The following SAP130 variants were observed in gnomAD, a reference collection of about 807,000 sequenced individuals.
SAP130 encodes the protein histone deacetylase complex subunit SAP130.
SAP130 carries 16 observed loss-of-function variants against 103.2 expected under a neutral mutation model. The observed-to-expected ratio is 0.16, with a 90% confidence interval of 0.10 to 0.24. The LOEUF is 0.24. Among genes scored for constraint, SAP130 ranks in the 10% least tolerant of loss-of-function variants. SAP130 has a pLI of 1.00. For synonymous variants in SAP130, 477 were observed against 497.0 expected, an observed-to-expected ratio of 0.96 and a Z score of 0.53; for missense variants, 990 against 1,359.7, an observed-to-expected ratio of 0.73 and a Z score of 4.28.
At chr2:127,993,728 G>T (rs1444055642) in intron 11 of SAP130, among the ~76,000 whole-genome samples, 1 of 152,034 alleles carries the variant, frequency 6.6e-6, no homozygotes, top group African/African-American at 2.4e-5. Context: ...ACAATGGAAA[G>T]AAAAAATGGG....
chr2:127,996,635 TAC>T lies in SAP130; in HGVS notation c.1214-146_1214-145del. 1.4e-6 allele frequency: 1 copy of T among 729,590 alleles called. No individual in the cohort carries two copies. Among genetic ancestry groups the T allele is most frequent in the Non-Finnish European group, 2.0e-6 (1 of 489,084 alleles). The allele number at this position is 729,590 out of a possible 1,614,324, so 45.2% of individuals were successfully genotyped here. ...ATCAAAATAAAAAATGAAAAATAAG[TAC>T]AAAGTTCAACAGAATTATTTCAATC... On this transcript the variant is annotated intron_variant, in intron 10 of 20. Transcript: ENST00000643581. The surrounding 1 kb of genome is among the most constrained non-coding windows in gnomAD (Gnocchi z 4.3).
Position 127,949,938 on chromosome 2 carries a change from G to A in SAP130, c.2728C>T (p.Arg910Cys). The change falls in exon 18 of 21, where the codon CGT (arginine) becomes TGT (cysteine). Residue 910 changes from arginine (R) to cysteine (C), a missense_variant. This residue lies in a region of SAP130 where 61 missense variants were observed against 73.8 expected (regional missense o/e 0.83). Coordinates refer to ENST00000643581, the MANE Select transcript of SAP130 (RefSeq NM_001330301.2). ...VRPRPPITLL[R>C]HYRNPWKAAY... is the part of the protein sequence containing the mutation. ...GCTTTCCAGGGGTTCCGATAGTGAC[G>A]AAGCAAAGTAATGGGGGGTCTTGGA... The A allele has an allele frequency of 1.2e-6, 2 of 1,614,098 alleles. No homozygotes were observed. Among genetic ancestry groups the A allele is most frequent in the Non-Finnish European group, 1.7e-6 (2 of 1,180,010 alleles).
At chr2:127,954,262 C>T (rs1482903153) in intron 16 of SAP130, among the ~76,000 whole-genome samples, 1 of 152,172 alleles carries the variant, frequency 6.6e-6, no homozygotes, top group Non-Finnish European at 1.5e-5. Context: ...ACAGCACAAT[C>T]ACACCTCTAT....
At chr2:128,024,665 C>T (rs1196044440) in intron 2 of SAP130, among the ~76,000 whole-genome samples, 2 of 149,978 alleles carry the variant, frequency 1.3e-5, no homozygotes, top group Admixed American at 6.7e-5. Context: ...GTCCGGAGTC[C>T]GAGATCAGCC....
At chr2:128,001,357 G>A (rs1158356039) in intron 7 of SAP130, among the ~76,000 whole-genome samples, 1 of 152,190 alleles carries the variant, frequency 6.6e-6, no homozygotes, top group Non-Finnish European at 1.5e-5. Context: ...GCGACAGAGT[G>A]AGACCCTGTC....
Position 128,026,239 on chromosome 2 carries a change from C to A in SAP130, c.54G>T (p.Gln18His). The part of the protein sequence containing the change: ...RLGAPSTGLS[Q>H]APSQIANSGS... ...CACTGTTTGCAATCTGAGAAGGGGC[C>A]TGGCTCAGCCCGGTAGAAGGGGCTC... Residue 18 changes from glutamine (Q) to histidine (H), a missense_variant, in exon 2 of 21, where the codon CAG (glutamine) becomes CAT (histidine). By Grantham distance (24) the Gln-to-His change is conservative. Transcript: ENST00000643581. 1.9e-6 allele frequency: 3 copies of A among 1,614,178 alleles called. No homozygotes were observed. Among genetic ancestry groups the A allele is most frequent in the Non-Finnish European group, 2.5e-6 (3 of 1,180,024 alleles).
intron 12 of SAP130, among the ~76,000 whole-genome samples, chr2:127,991,914 T>C (rs6751399): frequency 0.94 from 142,990 of 152,322 alleles, 67,519 homozygotes; most frequent in East Asian, 1. Context: ...GGCTGCCATA[T>C]AGCACCGTGT....
In SAP130 at chr2:128,000,453, T is replaced by G. The variant is rs750270542; in HGVS notation, c.871A>C (p.Arg291=). 11 of 1,614,126 alleles carry G rather than the reference T, an allele frequency of 6.8e-6. No individual in the cohort carries two copies. ...AAHATDSALS[R]PTLSIQHPPS... is the part of the protein sequence containing the mutation. Reference sequence around the variant, plus strand: ...GGATGCTGGATAGACAAGGTTGGCCTACTGAAAAGATAACAAAGACACAAT... The same window carrying G: ...GGATGCTGGATAGACAAGGTTGGCCGACTGAAAAGATAACAAAGACACAAT... Residue 291 remains arginine, a splice_region_variant and synonymous_variant, in exon 8 of 21, where the codon AGG becomes CGG. Transcript: ENST00000643581.
intron 6 of SAP130, 106 bp from the exon 7 acceptor site, chr2:128,010,499 G>T: frequency 4.6e-6 from 5 of 1,095,064 alleles, no homozygotes; most frequent in Non-Finnish European, 6.4e-6. Flanking sequence ...GCATGTTTCT[G>T]CCCAAGTAAA....
rs1682596603 is a variant in SAP130 at position 127,989,060 on chromosome 2, T to C, written c.1780+504A>G. 6.6e-6 allele frequency among the ~76,000 whole-genome samples: 1 copy of C among 152,066 alleles called. No homozygotes were observed. Among genetic ancestry groups the C allele is most frequent in the Non-Finnish European group, 1.5e-5 (1 of 68,012 alleles). ...CTTTTAAAAAAGATAACACTTCTCA[T>C]TATGTTCAAATGAATACTAGGGCTG... On this transcript the variant is annotated intron_variant, in intron 13 of 20. Coordinates refer to ENST00000643581, the MANE Select transcript of SAP130 (RefSeq NM_001330301.2). This position sits in a 1 kb window ranked among gnomAD's most constrained non-coding sequence, Gnocchi z 4.6.
chr2:127,945,535 T>C lies in SAP130; in HGVS notation c.2822A>G (p.Glu941Gly). ...VKEEKKAMLQ[E>G]IANQKGVSCR... is the part of the protein sequence containing the mutation. ...GGATACTCCTTTCTGATTAGCTATTTCCTGCAGCATAGCTTTCTTCTCCTC... is the reference window on the plus strand; with the variant it reads ...GGATACTCCTTTCTGATTAGCTATTCCCTGCAGCATAGCTTTCTTCTCCTC... The change falls in exon 19 of 21, where the codon GAA (glutamate) becomes GGA (glycine). Residue 941 changes from glutamate to glycine, a missense_variant. Coordinates refer to ENST00000643581, the MANE Select transcript of SAP130 (RefSeq NM_001330301.2). 1.2e-6 allele frequency: 2 copies of C among 1,610,786 alleles called. No individual in the cohort carries two copies. The highest frequency in any genetic ancestry group is 1.7e-6 in the Non-Finnish European group (2 of 1,176,996).
Position 127,988,636 on chromosome 2 carries a change from G to C in SAP130, c.1780+928C>G, listed in dbSNP as rs1299246851. Among the ~76,000 whole-genome samples, 3 of 151,354 alleles carry C rather than the reference G, an allele frequency of 2.0e-5. No homozygotes were observed. The East Asian group carries it at 5.9e-4, about 30-fold the overall frequency. ...AGGCCAAAGTGAGTAGACTACTTGA[G>C]CCCAGGAGTTTGAGACCAGCCTGGG... On this transcript the variant is annotated intron_variant, in intron 13 of 20. Coordinates refer to ENST00000643581, the MANE Select transcript of SAP130 (RefSeq NM_001330301.2).
rs572000803 is a variant in SAP130 at position 127,969,991 on chromosome 2, A to G, written c.2063+7994T>C. ...ACGCCTGTAATACCAGCACTCTGGG[A>G]GGCCGAGGTGGGCGGATCACGAGGT... On this transcript the variant is annotated intron_variant, in intron 15 of 20. Transcript: ENST00000643581. Among the ~76,000 whole-genome samples, 440 of 152,326 alleles carry G rather than the reference A, an allele frequency of 2.9e-3. 2 individuals carry two copies. Among genetic ancestry groups the G allele is most frequent in the African/African-American group, 0.01 (417 of 41,588 alleles).
At chr2:128,027,445 C>T (rs1194715699) in intron 1 of SAP130, 2 of 1,105,572 alleles carry the variant, frequency 1.8e-6, no homozygotes, top group East Asian at 5.2e-5. Flanking sequence ...GCGAGCCTGG[C>T]CGGGGCAGCC....
chr2:128,000,524 C>CA, intron 7 of SAP130, 70 bp from the exon 8 acceptor site: 1 of 1,565,988 alleles, frequency 6.4e-7, no homozygotes. Context: ...GTTAGTCATG[C>CA]AAGTTATACT....
chr2:128,010,876 A>AG (rs1315122518), intron 6 of SAP130, among the ~76,000 whole-genome samples: 1 of 151,514 alleles, frequency 6.6e-6, no homozygotes, highest in Non-Finnish European at 1.5e-5. Flanking sequence ...AAAATAGAAA[A>AG]GAAAAAAAAA....
At chr2:127,984,216 G>A (rs1682200190) in intron 14 of SAP130, among the ~76,000 whole-genome samples, 2 of 152,130 alleles carry the variant, frequency 1.3e-5, no homozygotes, top group African/African-American at 4.8e-5. Flanking sequence ...TCCTCTGAAT[G>A]TTCTTTTTGC....
chr2:127,978,774 C>T (rs1681652934), intron 14 of SAP130, among the ~76,000 whole-genome samples: 1 of 152,142 alleles, frequency 6.6e-6, no homozygotes, highest in South Asian at 2.1e-4. Context: ...GAGCACCAGA[C>T]ATCATGTGTC....
At chr2:128,016,330 T>C (rs1017563938) in intron 4 of SAP130, 59 bp downstream of exon 4, 5 of 1,544,126 alleles carry the variant, frequency 3.2e-6, no homozygotes, top group Non-Finnish European at 4.4e-6. Context: ...ATTCAATAAA[T>C]CATGATCAAC....
Sources: allele counts gnomAD v4.1 joint callset (sites outside exome capture counted in the v4.1 genomes callset), GRCh38; gene constraint gnomAD v4.1.1; regional missense constraint gnomAD v4.1.1; non-coding constraint Gnocchi (gnomAD v3.1); transcripts MANE v1.5; gene names NCBI Gene and HGNC (gene_info 2026-07-23, HGNC 2026-07-21).